Variants in RNF13 observed in about 807,000 individuals in gnomAD.
RNF13 encodes E3 ubiquitin-protein ligase RNF13.
Under a neutral mutation model 37.7 loss-of-function variants are expected in RNF13, and 19 were observed. The ratio of observed to expected loss-of-function variants is 0.50; its 90% CI spans 0.35 to 0.74. The LOEUF (loss-of-function observed/expected upper bound fraction) is 0.74. Ranked by LOEUF, RNF13 falls within the 30% of genes least tolerant of loss-of-function variation. The pLI, the probability that RNF13 is intolerant of heterozygous loss-of-function variation, is 0.01. For synonymous variants in RNF13, 144 were observed against 157.8 expected (o/e 0.91, Z 0.65); for missense variants, 375 against 453.0 (o/e 0.83, Z 1.56).
intron 9 of RNF13, 97 bp from the exon 10 acceptor site, chr3:149,960,643 T>C (rs1576612276): frequency 1.7e-6 from 2 of 1,183,096 alleles, no homozygotes. Flanking sequence ...CGTCCCTACA[T>C]GATACATACA....
At chr3:149,922,524 A>G (rs577513789) in intron 8 of RNF13, among the ~76,000 whole-genome samples, 1 of 152,290 alleles carries the variant, frequency 6.6e-6, no homozygotes, top group East Asian at 1.9e-4. Context: ...ATTAGTTCTA[A>G]ACAATGTCAG....
intron 8 of RNF13, among the ~76,000 whole-genome samples, chr3:149,940,239 A>G (rs970411707): frequency 1.3e-5 from 2 of 152,098 alleles, no homozygotes; most frequent in African/African-American, 2.4e-5. Flanking sequence ...TACATTTACA[A>G]CTAATCCAAT....
chr3:149,842,794 C>G (rs1722301622), intron 1 of RNF13, among the ~76,000 whole-genome samples: 1 of 151,796 alleles, frequency 6.6e-6, no homozygotes, highest in Non-Finnish European at 1.5e-5. Context: ...TTTGTATAAA[C>G]AAATTACGTA....
chr3:149,885,648 G>A (rs978868098), intron 4 of RNF13, among the ~76,000 whole-genome samples: 1 of 152,054 alleles, frequency 6.6e-6, no homozygotes, highest in Non-Finnish European at 1.5e-5. Flanking sequence ...TTTCAGATGG[G>A]TAGTTTGCAG....
At chr3:149,824,564 A>AT (rs1305562504) in intron 1 of RNF13, among the ~76,000 whole-genome samples, 1 of 152,214 alleles carries the variant, frequency 6.6e-6, no homozygotes, top group Non-Finnish European at 1.5e-5. Flanking sequence ...AATGTAAAAC[A>AT]TTTTCATTTA....
At chr3:149,903,909 CTCTA>C (rs561349067) in intron 6 of RNF13, among the ~76,000 whole-genome samples, 51 of 151,920 alleles carry the variant, frequency 3.4e-4, no homozygotes, top group African/African-American at 9.4e-4. Context: ...TAAAGATCTA[CTCTA>C]TCTATCTATC....
At chr3:149,819,158 T>C (rs915644874) in intron 1 of RNF13, among the ~76,000 whole-genome samples, 1 of 152,178 alleles carries the variant, frequency 6.6e-6, no homozygotes, top group African/African-American at 2.4e-5. Flanking sequence ...TCTTGTAAAA[T>C]ATCTCTTGCA....
intron 5 of RNF13, among the ~76,000 whole-genome samples, chr3:149,900,806 A>G (rs1014411746): frequency 6.6e-6 from 1 of 151,942 alleles, no homozygotes; most frequent in African/African-American, 2.4e-5. Context: ...TGGGGCTTAC[A>G]TGTTTTTTTC....
intron 8 of RNF13, among the ~76,000 whole-genome samples, chr3:149,921,990 T>C (rs546121951): frequency 5.9e-5 from 9 of 152,256 alleles, no homozygotes; most frequent in African/African-American, 2.2e-4. Flanking sequence ...TTTTTTTCTT[T>C]TGAGACGGAG....
At chr3:149,952,659 G>T (rs763323559) in intron 8 of RNF13, among the ~76,000 whole-genome samples, 6 of 151,904 alleles carry the variant, frequency 3.9e-5, no homozygotes, top group Non-Finnish European at 7.4e-5. Flanking sequence ...GCGTGCAATA[G>T]TGTGATCTTG....
intron 1 of RNF13, among the ~76,000 whole-genome samples, chr3:149,827,104 C>G (rs910098345): frequency 6.6e-6 from 1 of 152,090 alleles, no homozygotes; most frequent in African/African-American, 2.4e-5. Context: ...CCCTCTGTAT[C>G]CATGGCTCTG....
chr3:149,824,887 G>A (rs1720337963), intron 1 of RNF13, among the ~76,000 whole-genome samples: 1 of 149,184 alleles, frequency 6.7e-6, no homozygotes, highest in Non-Finnish European at 1.5e-5. Flanking sequence ...GTAAACTTGT[G>A]TCATGGGAGT....
chr3:149,905,002 G>A (rs534164448), intron 6 of RNF13, among the ~76,000 whole-genome samples: 29 of 152,228 alleles, frequency 1.9e-4, no homozygotes, highest in East Asian at 5.8e-4. Context: ...CCAGTCCCCT[G>A]TTGATCAGCA....
At chr3:149,939,376 A>T (rs764432703) in intron 8 of RNF13, 5 of 490,096 alleles carry the variant, frequency 1.0e-5, no homozygotes, top group Non-Finnish European at 1.6e-5. Context: ...CCGGGGGCAG[A>T]TCGCTTTCCA....
At chr3:149,918,203 T>G (rs1717741498) in intron 7 of RNF13, among the ~76,000 whole-genome samples, 1 of 152,160 alleles carries the variant, frequency 6.6e-6, no homozygotes, top group South Asian at 2.1e-4. Context: ...TTTTGTATAG[T>G]GTCTTTGTAA....
At chr3:149,895,610 A>T in intron 5 of RNF13, 50 bp downstream of exon 5, 1 of 1,225,000 alleles carries the variant, frequency 8.2e-7, no homozygotes, top group Non-Finnish European at 1.2e-6. Context: ...GATCATTTGT[A>T]ACTAAAAATT....
chr3:149,921,952 C>A (rs983345669), intron 8 of RNF13, among the ~76,000 whole-genome samples: 10 of 152,082 alleles, frequency 6.6e-5, no homozygotes, highest in Admixed American at 6.6e-4. Flanking sequence ...CACATCCTCT[C>A]CAGCATCTGT....
At chr3:149,878,706 A>T (rs930684933) in intron 4 of RNF13, among the ~76,000 whole-genome samples, 13 of 152,226 alleles carry the variant, frequency 8.5e-5, no homozygotes, top group African/African-American at 3.1e-4. Flanking sequence ...TGGACTCAAA[A>T]AGATGATCAT....
chr3:149,904,164 G>A (rs1360428130), intron 6 of RNF13, among the ~76,000 whole-genome samples: 1 of 151,912 alleles, frequency 6.6e-6, no homozygotes, highest in African/African-American at 2.4e-5. Context: ...TAAATACAAA[G>A]GTCTAGAATT....
Sources: gnomAD v4.1 joint callset for allele counts (sites outside exome capture counted in the v4.1 genomes callset) on GRCh38, gnomAD v4.1.1 for gene constraint, MANE v1.5 for transcripts, NCBI Gene and HGNC (gene_info 2026-07-23, HGNC 2026-07-21) for gene names.